The following NRG1 variants were observed in gnomAD, a reference collection of about 807,000 sequenced individuals.
The protein encoded by NRG1 is neuregulin 1.
In NRG1, 18 loss-of-function variants were observed where a neutral mutation model predicts 63.8. That is an observed-to-expected ratio of 0.28 (90% CI 0.19 to 0.42). NRG1 has a LOEUF of 0.42. NRG1 is among the 10% of genes least tolerant of loss of function. The pLI is 1.00. For missense variants in NRG1, 762 were observed against 814.7 expected (o/e 0.94, Z 0.79); for synonymous variants, 302 against 301.3 (o/e 1.00, Z -0.02).
At chr8:31,694,476 G>A (rs1406955172) in intron 1 of NRG1, among the ~76,000 whole-genome samples, 2 of 152,234 alleles carry the variant, frequency 1.3e-5, no homozygotes, top group African/African-American at 2.4e-5. Context: ...AGATGCAGAA[G>A]TGGTAAAGGA....
At chr8:32,239,164 T>A (rs61327688) in intron 1 of NRG1, among the ~76,000 whole-genome samples, 15,050 of 151,906 alleles carry the variant, frequency 0.099, 901 homozygotes, top group East Asian at 0.27. Flanking sequence ...TATTTTTTTT[T>A]AAAAAGCTCA....
chr8:31,838,748 T>C (rs1158623269), intron 1 of NRG1, among the ~76,000 whole-genome samples: 1 of 152,156 alleles, frequency 6.6e-6, no homozygotes, highest in Non-Finnish European at 1.5e-5. Context: ...ATTGATTAAC[T>C]TGGGCCTCTT....
At chr8:32,711,666 A>G (rs1255677368) in intron 5 of NRG1, among the ~76,000 whole-genome samples, 8 of 152,146 alleles carry the variant, frequency 5.3e-5, no homozygotes, top group African/African-American at 1.9e-4. Context: ...GCACACCTCC[A>G]TTTTTGCAAT....
chr8:31,672,415 T>C (rs894715412), intron 1 of NRG1, among the ~76,000 whole-genome samples: 7 of 152,078 alleles, frequency 4.6e-5, no homozygotes, highest in African/African-American at 7.2e-5. Flanking sequence ...ACCGAAGCCA[T>C]GAGTGTGATA....
At chr8:32,771,614 A>T (rs1831796604), downstream of NRG1, among the ~76,000 whole-genome samples, 1 of 150,042 alleles carries the variant, frequency 6.7e-6, no homozygotes, top group Admixed American at 6.6e-5. Context: ...CATTGCAAAC[A>T]TCTAGAAGAA....
At chr8:31,997,199 T>A (rs1348348153) in intron 1 of NRG1, among the ~76,000 whole-genome samples, 1 of 150,784 alleles carries the variant, frequency 6.6e-6, no homozygotes, top group Non-Finnish European at 1.5e-5. Context: ...TTTTTTTTTT[T>A]TTTACTATGA....
At chr8:32,671,518 A>G (rs1156252760) in intron 5 of NRG1, among the ~76,000 whole-genome samples, 1 of 152,196 alleles carries the variant, frequency 6.6e-6, no homozygotes, top group Non-Finnish European at 1.5e-5. Flanking sequence ...TATGTGGAAT[A>G]TAGACATTTT....
At chr8:31,998,193 T>C (rs1345184043) in intron 1 of NRG1, among the ~76,000 whole-genome samples, 1 of 152,046 alleles carries the variant, frequency 6.6e-6, no homozygotes, top group Admixed American at 6.6e-5. Context: ...TTAGAAATTT[T>C]TGATTCCAGC....
At chr8:32,347,319 C>T (rs990745983) in intron 1 of NRG1, among the ~76,000 whole-genome samples, 1 of 152,092 alleles carries the variant, frequency 6.6e-6, no homozygotes, top group Non-Finnish European at 1.5e-5. Flanking sequence ...TTCTCCTTCC[C>T]AGCATCTGAT....
chr8:32,233,785 G>C (rs535580821), intron 1 of NRG1, among the ~76,000 whole-genome samples: 9 of 151,530 alleles, frequency 5.9e-5, no homozygotes, highest in Non-Finnish European at 1.5e-5. Flanking sequence ...GGTTGGCCTC[G>C]ATCTCTTGAT....
intron 5 of NRG1, among the ~76,000 whole-genome samples, chr8:32,628,233 G>A (rs1849642746): frequency 1.3e-5 from 2 of 152,080 alleles, no homozygotes; most frequent in Admixed American, 6.6e-5. Context: ...GATACGAAGA[G>A]GCATAGCCTT....
intron 1 of NRG1, among the ~76,000 whole-genome samples, chr8:31,883,145 A>G (rs1388600709): frequency 6.6e-6 from 1 of 152,136 alleles, no homozygotes; most frequent in Non-Finnish European, 1.5e-5. Context: ...TAGCACAGCC[A>G]TCTCAGACTT....
chr8:32,459,343 ACTT>A (rs1403007664), intron 1 of NRG1, among the ~76,000 whole-genome samples: 4 of 152,032 alleles, frequency 2.6e-5, no homozygotes, highest in Non-Finnish European at 5.9e-5. Context: ...TCCTATCTTT[ACTT>A]CTTCTCCTTA....
intron 5 of NRG1, among the ~76,000 whole-genome samples, chr8:32,657,431 C>T (rs549841562): frequency 6.6e-6 from 1 of 152,028 alleles, no homozygotes; most frequent in Admixed American, 6.5e-5. Flanking sequence ...TGCTCTGAAG[C>T]CAGTGTCCTA....
intron 1 of NRG1, among the ~76,000 whole-genome samples, chr8:31,991,620 G>A (rs1009705396): frequency 1.1e-4 from 16 of 151,972 alleles, no homozygotes; most frequent in Admixed American, 1.0e-3. Context: ...GCTGGAACTG[G>A]ATTTGACACC....
chr8:31,927,454 T>A (rs1026679905), intron 1 of NRG1, among the ~76,000 whole-genome samples: 5 of 132,942 alleles, frequency 3.8e-5, no homozygotes, highest in African/African-American at 1.5e-4. Flanking sequence ...TTTTTTTTTT[T>A]TTTTTTTTTT....
chr8:32,322,966 C>T (rs1801589753), intron 1 of NRG1, among the ~76,000 whole-genome samples: 1 of 151,654 alleles, frequency 6.6e-6, no homozygotes, highest in Non-Finnish European at 1.5e-5. Flanking sequence ...GGAGTAAACA[C>T]CTGGGAACTA....
chr8:32,532,617 A>G (rs1034028494), intron 1 of NRG1, among the ~76,000 whole-genome samples: 2 of 152,102 alleles, frequency 1.3e-5, no homozygotes, highest in African/African-American at 4.8e-5. Context: ...GACATTTTAG[A>G]CAATGATACT....
intron 5 of NRG1, among the ~76,000 whole-genome samples, chr8:32,635,131 C>G (rs1851084584): frequency 6.6e-6 from 1 of 152,222 alleles, no homozygotes; most frequent in South Asian, 2.1e-4. Flanking sequence ...CATGCCTTCA[C>G]TTTCTGCAGA....
Sources: allele counts gnomAD v4.1 joint callset (sites outside exome capture counted in the v4.1 genomes callset), GRCh38; gene constraint gnomAD v4.1.1; transcripts MANE v1.5; gene names NCBI Gene and HGNC (gene_info 2026-07-23, HGNC 2026-07-21).